The following ZNF782 variants were observed in gnomAD, a reference collection of about 807,000 sequenced individuals.
ZNF782 encodes the protein zinc finger protein 782.
In ZNF782, 12 loss-of-function variants were observed where a neutral mutation model predicts 13.0. That is an observed-to-expected ratio of 0.92 (90% CI 0.59 to 1.50). ZNF782 has a LOEUF of 1.50. Ranked by LOEUF, ZNF782 falls within the 40% of genes most tolerant of loss-of-function variation. The probability of loss-of-function intolerance (pLI) is 0.00; values close to 1 mark genes in which losing one functional copy is unlikely to be tolerated. For missense variants in ZNF782, 770 were observed against 822.9 expected, an observed-to-expected ratio of 0.94 and a Z score of 0.79; for synonymous variants, 284 against 283.0, an observed-to-expected ratio of 1.00 and a Z score of -0.04.
chr9:96,886,344 G>A, the ZNF782 span, among the ~76,000 whole-genome samples: 2 of 151,938 alleles, frequency 1.3e-5, no homozygotes, highest in Admixed American at 6.6e-5. Flanking sequence ...GTAAAAATAA[G>A]GGCAAATATG....
chr9:96,875,235 A>G (rs1021249687), intron 1 of ZNF782, among the ~76,000 whole-genome samples: 1 of 152,204 alleles, frequency 6.6e-6, no homozygotes, highest in African/African-American at 2.4e-5. Context: ...TGCCGGCCTC[A>G]TAGAGTACTT....
chr9:96,847,491 C>A (rs189985943), intron 3 of ZNF782, among the ~76,000 whole-genome samples: 3 of 152,018 alleles, frequency 2.0e-5, no homozygotes, highest in Admixed American at 2.0e-4. Context: ...ACATTACAAC[C>A]GACACCACAG....
chr9:96,829,733 T>C (rs1311970771), intron 4 of ZNF782, among the ~76,000 whole-genome samples: 1 of 151,958 alleles, frequency 6.6e-6, no homozygotes, highest in Admixed American at 6.6e-5. Context: ...AAATAAACTT[T>C]AAAAGGATTA....
At chr9:96,910,938 CT>C in the ZNF782 span, among the ~76,000 whole-genome samples, 1 of 149,420 alleles carries the variant, frequency 6.7e-6, no homozygotes, top group Non-Finnish European at 1.5e-5. Flanking sequence ...GCCCGGCCTG[CT>C]TTTTTTCTTA....
At chr9:96,919,714 C>T in the ZNF782 span, among the ~76,000 whole-genome samples, 3 of 150,066 alleles carry the variant, frequency 2.0e-5, no homozygotes, top group East Asian at 6.9e-4. Context: ...AAGGCGTGTA[C>T]CACTACGCCC....
intron 4 of ZNF782, among the ~76,000 whole-genome samples, chr9:96,840,004 T>C (rs1237847008): frequency 6.6e-6 from 1 of 152,224 alleles, no homozygotes; most frequent in Non-Finnish European, 1.5e-5. Flanking sequence ...TTTGTGTTTA[T>C]GCAGGTATTG....
At chr9:96,879,643 G>T (rs1441272471), upstream of ZNF782, among the ~76,000 whole-genome samples, 1 of 152,202 alleles carries the variant, frequency 6.6e-6, no homozygotes, top group African/African-American at 2.4e-5. Context: ...TGATGTGAGG[G>T]GAAGGAAATG....
rs188965979 is a variant in ZNF782 at position 96,836,895 on chromosome 9, C to T, written c.142+7995G>A. 6.7e-4 allele frequency among the ~76,000 whole-genome samples: 102 copies of T among 152,284 alleles called. No homozygotes were observed. The East Asian group carries it at 0.018, about 27-fold the overall frequency. On this transcript the variant is annotated intron_variant, in intron 4 of 5. Coordinates refer to ENST00000481138, the MANE Select transcript of ZNF782 (RefSeq NM_001001662.3). ...CTTGCTTCCTCTTTTGCCATGTGATCTCTTTGCACATGGCCCCTCCCCTTC... is the reference window on the plus strand; with the variant it reads ...CTTGCTTCCTCTTTTGCCATGTGATTTCTTTGCACATGGCCCCTCCCCTTC...
chr9:96,872,291 G>A (rs1016518779), intron 1 of ZNF782, among the ~76,000 whole-genome samples: 4 of 152,268 alleles, frequency 2.6e-5, no homozygotes, highest in African/African-American at 9.6e-5. Context: ...CTAGCACTTT[G>A]GGAGGCCAAG....
At chr9:96,852,028 T>A in intron 2 of ZNF782, 23 bp from the exon 3 acceptor site, 1 of 1,522,134 alleles carries the variant, frequency 6.6e-7, no homozygotes, top group Non-Finnish European at 9.1e-7. Flanking sequence ...AAAGAGGATG[T>A]CACACGGTCT....
chr9:96,933,433 C>A, the ZNF782 span: 45 of 150,768 alleles, frequency 3.0e-4, no homozygotes, highest in Admixed American at 8.6e-4. Flanking sequence ...TGCAATGGTG[C>A]GATCTTGGCT....
intron 5 of ZNF782, among the ~76,000 whole-genome samples, chr9:96,824,290 C>T (rs1419203406): frequency 5.3e-5 from 8 of 151,164 alleles, no homozygotes; most frequent in East Asian, 1.9e-4. Flanking sequence ...ATAAACAGAA[C>T]CAAAGACAAA....
chr9:96,854,662 A>G (rs1056312071), upstream of ZNF782, among the ~76,000 whole-genome samples: 1 of 152,192 alleles, frequency 6.6e-6, no homozygotes, highest in Non-Finnish European at 1.5e-5. Flanking sequence ...ATTGGCGGGG[A>G]TGGAGTTTTT....
intron 4 of ZNF782, among the ~76,000 whole-genome samples, chr9:96,839,427 T>C (rs574326233): frequency 6.6e-6 from 1 of 152,090 alleles, no homozygotes; most frequent in Admixed American, 6.6e-5. Context: ...AGTCTTCTTA[T>C]GTGTTTTGTA....
chr9:96,926,708 G>A, the ZNF782 span, among the ~76,000 whole-genome samples: 2 of 152,144 alleles, frequency 1.3e-5, no homozygotes, highest in African/African-American at 4.8e-5. Flanking sequence ...GGCAAGGAGG[G>A]GAGAACCCTG....
chr9:96,916,634 A>G, the ZNF782 span, among the ~76,000 whole-genome samples: 1 of 152,080 alleles, frequency 6.6e-6, no homozygotes, highest in Non-Finnish European at 1.5e-5. Flanking sequence ...GCTGGTCCCA[A>G]GCTGCAACCT....
upstream of ZNF782, among the ~76,000 whole-genome samples, chr9:96,859,253 G>C (rs1851677312): frequency 6.6e-6 from 1 of 152,180 alleles, no homozygotes; most frequent in Non-Finnish European, 1.5e-5. Flanking sequence ...CGCGCTTGGA[G>C]CCAGTGTATT....
At chr9:96,898,503 T>C in the ZNF782 span, among the ~76,000 whole-genome samples, 1 of 149,158 alleles carries the variant, frequency 6.7e-6, no homozygotes, top group Non-Finnish European at 1.5e-5. Flanking sequence ...TTTTTAAAAA[T>C]TGTGGCAAAA....
chr9:96,907,801 C>T, the ZNF782 span, among the ~76,000 whole-genome samples: 18 of 151,840 alleles, frequency 1.2e-4, no homozygotes, highest in East Asian at 1.2e-3. Flanking sequence ...CCACCACACC[C>T]GGCTAATTTT....
Sources: gnomAD v4.1 joint callset for allele counts (sites outside exome capture counted in the v4.1 genomes callset) on GRCh38, gnomAD v4.1.1 for gene constraint, MANE v1.5 for transcripts, NCBI Gene and HGNC (gene_info 2026-07-23, HGNC 2026-07-21) for gene names.